The following ARMH3 variants were observed in gnomAD, a reference collection of about 807,000 sequenced individuals.
ARMH3 encodes armadillo-like helical domain-containing protein 3.
ARMH3 carries 60 observed loss-of-function variants against 99.1 expected under a neutral mutation model. The ratio of observed to expected loss-of-function variants is 0.61; its 90% CI spans 0.49 to 0.75. ARMH3 has a LOEUF of 0.75. ARMH3 is among the 30% of genes least tolerant of loss of function. ARMH3 has a pLI of 0.00. For missense variants in ARMH3, 679 were observed against 843.1 expected (o/e 0.81, Z 2.41); for synonymous variants, 285 against 292.8 (o/e 0.97, Z 0.27).
intron 5 of ARMH3, among the ~76,000 whole-genome samples, chr10:102,025,718 T>C (rs961867058): frequency 6.6e-6 from 1 of 152,196 alleles, no homozygotes; most frequent in Non-Finnish European, 1.5e-5. Context: ...GGCATGTTCA[T>C]AGCACACTGC....
chr10:101,881,554 T>G (rs979920968), intron 24 of ARMH3, among the ~76,000 whole-genome samples: 2 of 151,360 alleles, frequency 1.3e-5, no homozygotes, highest in East Asian at 1.9e-4. Flanking sequence ...ATGTGTGGGG[T>G]TTTTTTTAAC....
intron 1 of ARMH3, among the ~76,000 whole-genome samples, chr10:102,045,893 G>A (rs149764799): frequency 2.0e-5 from 3 of 152,160 alleles, no homozygotes; most frequent in Admixed American, 6.6e-5. Flanking sequence ...TTGGGAGTTC[G>A]AGACCAGCCT....
At chr10:101,977,521 T>C (rs1002054610) in intron 19 of ARMH3, among the ~76,000 whole-genome samples, 2 of 152,210 alleles carry the variant, frequency 1.3e-5, no homozygotes, top group African/African-American at 4.8e-5. Context: ...GTTTAATATA[T>C]AGAAGTTTAT....
At chr10:102,053,653 T>A (rs557982844) in intron 1 of ARMH3, among the ~76,000 whole-genome samples, 1 of 152,114 alleles carries the variant, frequency 6.6e-6, no homozygotes, top group Admixed American at 6.6e-5. Flanking sequence ...CCCATTACAC[T>A]GTATAAATTT....
chr10:102,011,343 C>T (rs1222933790), intron 11 of ARMH3, among the ~76,000 whole-genome samples: 1 of 152,126 alleles, frequency 6.6e-6, no homozygotes, highest in Non-Finnish European at 1.5e-5. Flanking sequence ...CCGTGTTCCA[C>T]AAGGTCAGTG....
At chr10:101,964,858 A>T (rs1164530483) in intron 20 of ARMH3, among the ~76,000 whole-genome samples, 1 of 151,870 alleles carries the variant, frequency 6.6e-6, no homozygotes, top group Non-Finnish European at 1.5e-5. Context: ...AAAAAAAAAA[A>T]AAAAATTAGC....
chr10:101,994,625 C>G (rs1432087333), intron 16 of ARMH3, among the ~76,000 whole-genome samples: 1 of 152,138 alleles, frequency 6.6e-6, no homozygotes, highest in Non-Finnish European at 1.5e-5. Context: ...CTTCTTTTTT[C>G]CCCTCAGCTC....
intron 8 of ARMH3, among the ~76,000 whole-genome samples, chr10:102,021,863 A>T (rs1044366045): frequency 3.3e-5 from 5 of 151,278 alleles, no homozygotes; most frequent in Non-Finnish European, 7.4e-5. Context: ...TAATTTTTAA[A>T]TTTTTTTTTG....
At chr10:102,017,283 C>T (rs2066770649) in intron 8 of ARMH3, among the ~76,000 whole-genome samples, 1 of 152,214 alleles carries the variant, frequency 6.6e-6, no homozygotes, top group African/African-American at 2.4e-5. Context: ...TGATTTATAT[C>T]AAAAGCTGCA....
At chr10:101,938,648 T>C (rs553714959) in intron 23 of ARMH3, among the ~76,000 whole-genome samples, 18 of 152,386 alleles carry the variant, frequency 1.2e-4, no homozygotes, top group Non-Finnish European at 1.9e-4. Flanking sequence ...TTTGTCATGC[T>C]GCCCTTGGGT....
intron 22 of ARMH3, among the ~76,000 whole-genome samples, chr10:101,953,561 T>A (rs899140880): frequency 6.9e-5 from 10 of 144,192 alleles, no homozygotes; most frequent in East Asian, 2.2e-4. Flanking sequence ...TTTTTTTTTT[T>A]AATGAGCAAA....
intron 23 of ARMH3, among the ~76,000 whole-genome samples, chr10:101,937,507 A>G (rs2135704823): frequency 6.6e-6 from 1 of 151,448 alleles, no homozygotes; most frequent in East Asian, 1.9e-4. Flanking sequence ...CGACAGAGTC[A>G]GACCCTGTCT....
At chr10:101,964,885 C>A (rs752251574) in intron 20 of ARMH3, among the ~76,000 whole-genome samples, 5 of 151,504 alleles carry the variant, frequency 3.3e-5, no homozygotes, top group African/African-American at 1.2e-4. Context: ...TGGTGGTACA[C>A]ACCTATAGTC....
intron 23 of ARMH3, among the ~76,000 whole-genome samples, chr10:101,907,719 T>C (rs1375230799): frequency 6.6e-6 from 1 of 152,166 alleles, no homozygotes; most frequent in African/African-American, 2.4e-5. Flanking sequence ...TTCATCCTAG[T>C]GGTACACAGA....
At position 101,926,422 on chromosome 10, in the gene ARMH3, C is replaced by A. The variant is rs759719586; in HGVS notation, c.1781+13441G>T. ...ATCCTCTTGCCTCAGCCTCCCAAAG[C>A]GCTGGGATTACAAGTGTGAACCACC... On this transcript the variant is annotated intron_variant, in intron 23 of 25. Coordinates refer to ENST00000370033, the MANE Select transcript of ARMH3 (RefSeq NM_024541.3). Among the ~76,000 whole-genome samples, 10 of 152,082 alleles carry A rather than the reference C, an allele frequency of 6.6e-5. No homozygotes were observed. The South Asian group carries it at 2.1e-3, about 32-fold the overall frequency.
At chr10:101,994,399 G>C (rs1228479728) in intron 16 of ARMH3, among the ~76,000 whole-genome samples, 1 of 152,102 alleles carries the variant, frequency 6.6e-6, no homozygotes, top group East Asian at 1.9e-4. Flanking sequence ...AAGAGAGAGA[G>C]ACTGAGAGAG....
intron 2 of ARMH3, 103 bp downstream of exon 2, chr10:102,039,910 C>A (rs1428999608): frequency 1.9e-6 from 2 of 1,071,398 alleles, no homozygotes. Flanking sequence ...TGTCCCACAT[C>A]CCCCAAGGAA....
rs145279614 is a variant in ARMH3, at chr10:101,987,929, CTTCTCT to C, written c.1406+2616_1406+2621del. On this transcript the variant is annotated intron_variant, in intron 19 of 25. Transcript: ENST00000370033. ...TTTAATTCTTTGCCACTTCTGCATT[CTTCTCT>C]TTAACACTCTTTAAGAAAAGCTGTG... is the stretch of plus-strand genomic sequence containing the variant. 5.7e-3 allele frequency among the ~76,000 whole-genome samples: 868 copies of C among 152,220 alleles called. 10 individuals are homozygous for C. Among genetic ancestry groups the C allele is most frequent in the Non-Finnish European group, 6.6e-3 (448 of 68,024 alleles).
intron 11 of ARMH3, among the ~76,000 whole-genome samples, chr10:102,011,506 A>G (rs2066627271): frequency 6.6e-6 from 1 of 152,046 alleles, no homozygotes; most frequent in South Asian, 2.1e-4. Context: ...CTTGGTTTTG[A>G]ATCTCACTAA....
Sources: gnomAD v4.1 joint callset for allele counts (sites outside exome capture counted in the v4.1 genomes callset) on GRCh38, gnomAD v4.1.1 for gene constraint, MANE v1.5 for transcripts, NCBI Gene and HGNC (gene_info 2026-07-23, HGNC 2026-07-21) for gene names.